Variants in SLC23A2 observed in about 807,000 individuals in gnomAD.
SLC23A2 encodes the protein Na(+)/L-ascorbic acid transporter 2.
Under a neutral mutation model 73.3 loss-of-function variants are expected in SLC23A2, and 36 were observed. The ratio of observed to expected loss-of-function variants is 0.49; its 90% confidence interval spans 0.38 to 0.65. The LOEUF (loss-of-function observed/expected upper bound fraction) is 0.65, where lower values mean the gene tolerates loss of function less well. Among genes scored for constraint, SLC23A2 ranks in the 30% least tolerant of loss-of-function variants. The probability of loss-of-function intolerance (pLI) is 0.00; values close to 1 mark genes in which losing one functional copy is unlikely to be tolerated. For synonymous variants in SLC23A2, 343 were observed against 327.3 expected, an observed-to-expected ratio of 1.05 and a Z score of -0.52; for missense variants, 507 against 841.6, an observed-to-expected ratio of 0.60 and a Z score of 4.92.
chr20:4,992,503 G>T (rs1421594756), intron 1 of SLC23A2, among the ~76,000 whole-genome samples: 1 of 95,746 alleles, frequency 1.0e-5, no homozygotes, highest in Non-Finnish European at 2.0e-5. Context: ...AAGATTGACA[G>T]TTTTTTTTTT....
chr20:4,984,582 T>C (rs1270553450), intron 1 of SLC23A2, among the ~76,000 whole-genome samples: 2 of 150,804 alleles, frequency 1.3e-5, no homozygotes, highest in Non-Finnish European at 3.0e-5. Flanking sequence ...CGGTCTCAAA[T>C]ATAAACAAAA....
At chr20:4,994,093 T>C (rs1004079738) in intron 1 of SLC23A2, among the ~76,000 whole-genome samples, 7 of 151,890 alleles carry the variant, frequency 4.6e-5, no homozygotes, top group South Asian at 2.1e-4. Context: ...TCAAAAAATA[T>C]AGATACATGA....
intron 2 of SLC23A2, among the ~76,000 whole-genome samples, chr20:4,934,252 T>C (rs189294538): frequency 6.6e-6 from 1 of 152,306 alleles, no homozygotes; most frequent in Non-Finnish European, 1.5e-5. Context: ...CATCTGGCAA[T>C]GTCTGGAGAT....
chr20:4,986,705 TAGAG>T (rs1396209665), intron 1 of SLC23A2, among the ~76,000 whole-genome samples: 3 of 97,024 alleles, frequency 3.1e-5, no homozygotes, highest in Admixed American at 1.2e-4. Context: ...TGAATATAAA[TAGAG>T]AGAAGTGGGT....
intron 3 of SLC23A2, among the ~76,000 whole-genome samples, chr20:4,920,360 A>G (rs919758569): frequency 1.3e-5 from 2 of 152,194 alleles, no homozygotes; most frequent in East Asian, 1.9e-4. Context: ...GCATTTACAC[A>G]TTGCTGACGA....
intron 2 of SLC23A2, among the ~76,000 whole-genome samples, chr20:4,956,399 T>G (rs2087288718): frequency 6.6e-6 from 1 of 152,166 alleles, no homozygotes; most frequent in Non-Finnish European, 1.5e-5. Context: ...AACAGCACCC[T>G]CTAGTGTTAC....
intron 2 of SLC23A2, among the ~76,000 whole-genome samples, chr20:4,954,054 G>A (rs2087244833): frequency 6.6e-6 from 1 of 152,114 alleles, no homozygotes; most frequent in Admixed American, 6.6e-5. Flanking sequence ...ATTGCTAAAG[G>A]ATAAAATTCA....
At position 4,931,068 on chromosome 20, in the gene SLC23A2, G is replaced by GAAA. The variant is rs758041566; in HGVS notation, c.108+1384_108+1386dup. 9.9e-3 allele frequency among the ~76,000 whole-genome samples: 741 copies of GAAA among 75,034 alleles called. 22 individuals carry two copies. Among genetic ancestry groups the GAAA allele is most frequent in the African/African-American group, 0.032 (679 of 21,074 alleles). 49.2% of individuals were successfully genotyped at this position (75,034 alleles called of 152,430 possible). ...CTTAAAATAACTGTTATTTTTTTAA[G>GAAA]AAAAAAAAAAAAAAAAAAAAAAAAG... On this transcript the variant is annotated intron_variant, in intron 3 of 16. Coordinates refer to ENST00000338244, the MANE Select transcript of SLC23A2 (RefSeq NM_005116.6).
chr20:4,999,363 G>A (rs2088078495), intron 1 of SLC23A2, among the ~76,000 whole-genome samples: 1 of 152,172 alleles, frequency 6.6e-6, no homozygotes, highest in South Asian at 2.1e-4. Flanking sequence ...GGCAGACACA[G>A]ATGGACAGAC....
intron 6 of SLC23A2, 112 bp from the exon 7 acceptor site, chr20:4,886,021 C>T (rs1931082097): frequency 3.1e-6 from 2 of 635,072 alleles, no homozygotes; most frequent in South Asian, 3.9e-5. Context: ...TGAGTAAATG[C>T]AGGCACACCT....
intron 15 of SLC23A2, among the ~76,000 whole-genome samples, chr20:4,861,702 C>G (rs148706575): frequency 6.6e-6 from 1 of 152,146 alleles, no homozygotes; most frequent in Admixed American, 6.5e-5. Flanking sequence ...GAGGCATTCT[C>G]CCAAAGGAGA....
intron 3 of SLC23A2, among the ~76,000 whole-genome samples, chr20:4,927,789 T>G (rs1932722134): frequency 6.6e-6 from 1 of 152,130 alleles, no homozygotes; most frequent in Admixed American, 6.6e-5. Context: ...GTTCTTACTA[T>G]TCCCATGCCT....
At chr20:4,950,025 G>A (rs147883297) in intron 2 of SLC23A2, among the ~76,000 whole-genome samples, 7 of 152,220 alleles carry the variant, frequency 4.6e-5, no homozygotes, top group South Asian at 2.1e-4. Context: ...TTGTATAACC[G>A]CACCACCTCA....
At chr20:4,985,809 T>G (rs532632193) in intron 1 of SLC23A2, among the ~76,000 whole-genome samples, 1 of 152,230 alleles carries the variant, frequency 6.6e-6, no homozygotes, top group African/African-American at 2.4e-5. Flanking sequence ...AGAAACAGAC[T>G]GCGGATTAGT....
chr20:4,874,326 A>C (rs1172483784), intron 10 of SLC23A2, among the ~76,000 whole-genome samples: 1 of 152,216 alleles, frequency 6.6e-6, no homozygotes, highest in Non-Finnish European at 1.5e-5. Context: ...TGCAGAGGCC[A>C]CGTGGAGTCA....
intron 2 of SLC23A2, among the ~76,000 whole-genome samples, chr20:4,942,123 CT>C (rs2087051222): frequency 6.6e-6 from 1 of 152,170 alleles, no homozygotes; most frequent in African/African-American, 2.4e-5. Flanking sequence ...GCTGGTTCCC[CT>C]TACAGCATCT....
upstream of SLC23A2, among the ~76,000 whole-genome samples, chr20:5,005,986 C>CA (rs372885827): frequency 4.6e-3 from 645 of 139,198 alleles, 4 homozygotes; most frequent in African/African-American, 0.016. Context: ...AACTCCGTCT[C>CA]AAAAAAAAAA....
At chr20:4,898,397 C>T (rs773443817) in intron 6 of SLC23A2, among the ~76,000 whole-genome samples, 11 of 152,234 alleles carry the variant, frequency 7.2e-5, no homozygotes, top group African/African-American at 2.2e-4. Flanking sequence ...ATCCCCGTGC[C>T]GCGTTAGGGC....
intron 1 of SLC23A2, among the ~76,000 whole-genome samples, chr20:4,994,555 CA>C (rs1160469008): frequency 6.6e-6 from 1 of 152,076 alleles, no homozygotes; most frequent in Non-Finnish European, 1.5e-5. Flanking sequence ...GAGGCTGAGG[CA>C]GGTGGATCAC....
Sources: gnomAD v4.1 joint callset for allele counts (sites outside exome capture counted in the v4.1 genomes callset) on GRCh38, gnomAD v4.1.1 for gene constraint, MANE v1.5 for transcripts, NCBI Gene and HGNC (gene_info 2026-07-23, HGNC 2026-07-21) for gene names.